KDM4C: variants seen among roughly 807,000 people sequenced by gnomAD.
The protein encoded by KDM4C is lysine demethylase 4C, also known as lysine-specific demethylase 4C.
A neutral mutation model predicts 129.3 loss-of-function variants in KDM4C; 81 were observed. The observed-to-expected ratio is 0.63, with a 90% CI of 0.52 to 0.75. The LOEUF is 0.75. Ranked by LOEUF, KDM4C falls within the 30% of genes least tolerant of loss-of-function variation. The pLI, the probability that KDM4C is intolerant of heterozygous loss-of-function variation, is 0.00. For missense variants in KDM4C, 1,457 were observed against 1,304.0 expected, an observed-to-expected ratio of 1.12 and a Z score of -1.81; for synonymous variants, 573 against 456.1, an observed-to-expected ratio of 1.26 and a Z score of -3.26.
intron 17 of KDM4C, among the ~76,000 whole-genome samples, chr9:7,072,035 C>T (rs905710883): frequency 2.0e-5 from 3 of 152,082 alleles, no homozygotes; most frequent in Admixed American, 6.5e-5. Flanking sequence ...ACATAGACAG[C>T]ACATAAGTAC....
chr9:6,802,822 A>T (rs915092112), intron 2 of KDM4C, among the ~76,000 whole-genome samples: 1 of 152,158 alleles, frequency 6.6e-6, no homozygotes, highest in African/African-American at 2.4e-5. Flanking sequence ...GGCCAAGCTG[A>T]TCTTAAACTT....
At chr9:6,776,884 G>A (rs1823189578) in intron 1 of KDM4C, among the ~76,000 whole-genome samples, 2 of 152,226 alleles carry the variant, frequency 1.3e-5, no homozygotes, top group Non-Finnish European at 2.9e-5. Context: ...TTACAGGCGT[G>A]AGCCCGCGTG....
At chr9:6,903,146 T>C (rs1273402217) in intron 8 of KDM4C, among the ~76,000 whole-genome samples, 1 of 152,136 alleles carries the variant, frequency 6.6e-6, no homozygotes, top group Non-Finnish European at 1.5e-5. Context: ...TCGTAAAAGG[T>C]ATTTTTGTAA....
intron 15 of KDM4C, among the ~76,000 whole-genome samples, chr9:7,044,231 T>A (rs1003695381): frequency 3.9e-5 from 6 of 151,990 alleles, no homozygotes; most frequent in African/African-American, 1.4e-4. Context: ...ATTTCAAGAA[T>A]GTGTTTAGTT....
At chr9:6,745,354 T>G (rs757314129) in intron 1 of KDM4C, among the ~76,000 whole-genome samples, 16 of 152,176 alleles carry the variant, frequency 1.1e-4, no homozygotes, top group Non-Finnish European at 2.2e-4. Flanking sequence ...ATCCCAGCAC[T>G]TTGGGAGGCC....
intron 19 of KDM4C, among the ~76,000 whole-genome samples, chr9:7,150,096 C>T (rs565235481): frequency 2.6e-5 from 4 of 152,340 alleles, no homozygotes; most frequent in Admixed American, 6.5e-5. Flanking sequence ...CCACTCAACA[C>T]GGTCAGTGGG....
At chr9:6,926,611 T>C (rs910608851) in intron 8 of KDM4C, among the ~76,000 whole-genome samples, 2 of 152,206 alleles carry the variant, frequency 1.3e-5, no homozygotes, top group Non-Finnish European at 2.9e-5. Flanking sequence ...TTCTTCACTC[T>C]AGCACGAGTA....
At chr9:6,986,319 T>A in intron 10 of KDM4C, 25 bp from the exon 11 acceptor site, 1 of 1,518,308 alleles carries the variant, frequency 6.6e-7, no homozygotes, top group Non-Finnish European at 9.1e-7. Flanking sequence ...CATGATTTAT[T>A]AACAGTCTTC....
chr9:6,726,400 C>G (rs183323953), intron 1 of KDM4C: 5 of 152,296 alleles, frequency 3.3e-5, no homozygotes, highest in African/African-American at 1.2e-4. Flanking sequence ...GTCAGTCCCA[C>G]TGTCAGCAAG....
At chr9:7,008,007 A>C (rs1332675429) in intron 12 of KDM4C, among the ~76,000 whole-genome samples, 1 of 152,172 alleles carries the variant, frequency 6.6e-6, no homozygotes, top group African/African-American at 2.4e-5. Flanking sequence ...AAAGAGATAC[A>C]GGAACCAGAT....
intron 8 of KDM4C, among the ~76,000 whole-genome samples, chr9:6,947,041 A>G (rs2131455847): frequency 6.6e-6 from 1 of 152,266 alleles, no homozygotes; most frequent in Middle Eastern, 3.4e-3. Flanking sequence ...GGGGGTGTTT[A>G]ACAGAATCAA....
chr9:6,949,198 C>A (rs1253868865), intron 8 of KDM4C, among the ~76,000 whole-genome samples: 3 of 150,496 alleles, frequency 2.0e-5, no homozygotes, highest in Non-Finnish European at 4.4e-5. Flanking sequence ...AGGGGCTCCT[C>A]ACTTCTCAGA....
chr9:6,902,140 T>C (rs1817514275), intron 8 of KDM4C, among the ~76,000 whole-genome samples: 1 of 152,204 alleles, frequency 6.6e-6, no homozygotes, highest in Non-Finnish European at 1.5e-5. Context: ...TTCCAAAACA[T>C]TAACTTAATA....
chr9:7,157,492 G>C (rs1029197401), intron 19 of KDM4C, among the ~76,000 whole-genome samples: 3 of 152,176 alleles, frequency 2.0e-5, no homozygotes, highest in African/African-American at 7.2e-5. Context: ...CTGTGGGTTT[G>C]TCATAGATAG....
chr9:6,916,064 T>C (rs1820256775), intron 8 of KDM4C, among the ~76,000 whole-genome samples: 1 of 152,102 alleles, frequency 6.6e-6, no homozygotes, highest in African/African-American at 2.4e-5. Flanking sequence ...GAAGATTGGA[T>C]GGTGTTTTGG....
At chr9:7,135,538 A>C (rs898152505) in intron 19 of KDM4C, among the ~76,000 whole-genome samples, 6 of 152,160 alleles carry the variant, frequency 3.9e-5, no homozygotes, top group African/African-American at 1.4e-4. Context: ...ACCCATGGGC[A>C]GCGGGCACCA....
chr9:6,772,896 A>G (rs1421691120), intron 1 of KDM4C, among the ~76,000 whole-genome samples: 2 of 146,954 alleles, frequency 1.4e-5, no homozygotes, highest in Non-Finnish European at 3.0e-5. Flanking sequence ...GGGTTTCACC[A>G]TGTTGGCCAG....
intron 19 of KDM4C, among the ~76,000 whole-genome samples, chr9:7,149,526 C>G (rs1842537623): frequency 6.6e-6 from 1 of 152,238 alleles, no homozygotes; most frequent in African/African-American, 2.4e-5. Context: ...GTTCCCAGCC[C>G]CCATGTGCAG....
chr9:6,989,068 T>TAC (rs1586739311), intron 11 of KDM4C, among the ~76,000 whole-genome samples: 1 of 152,252 alleles, frequency 6.6e-6, no homozygotes, highest in East Asian at 1.9e-4. Context: ...GACAACGGTA[T>TAC]GGTGCATAGT....
Sources: gnomAD v4.1 joint callset for allele counts (sites outside exome capture counted in the v4.1 genomes callset) on GRCh38, gnomAD v4.1.1 for gene constraint, MANE v1.5 for transcripts, NCBI Gene and HGNC (gene_info 2026-07-23, HGNC 2026-07-21) for gene names.